The following WWOX variants were observed in gnomAD, a reference collection of about 807,000 sequenced individuals.
WWOX encodes WW domain containing oxidoreductase, also known as WW domain-containing oxidoreductase.
In WWOX, 69 loss-of-function variants were observed where a neutral mutation model predicts 46.2. The observed-to-expected ratio is 1.49, with a 90% CI of 1.23 to 1.82. The LOEUF (loss-of-function observed/expected upper bound fraction) is 1.82, where lower values mean the gene tolerates loss of function less well. Ranked by LOEUF, WWOX falls within the 40% of genes most tolerant of loss-of-function variation. The pLI is 0.00. For missense variants in WWOX, 919 were observed against 542.6 expected, an observed-to-expected ratio of 1.69 and a Z score of -6.89; for synonymous variants, 359 against 202.6, an observed-to-expected ratio of 1.77 and a Z score of -6.56.
chr16:78,326,792 A>G (rs1430391213), intron 5 of WWOX, among the ~76,000 whole-genome samples: 1 of 149,274 alleles, frequency 6.7e-6, no homozygotes, highest in Non-Finnish European at 1.5e-5. Context: ...AAATGCAGAT[A>G]TAACTTTAAT....
chr16:78,546,444 A>C (rs1462380952), intron 8 of WWOX, among the ~76,000 whole-genome samples: 1 of 152,222 alleles, frequency 6.6e-6, no homozygotes, highest in African/African-American at 2.4e-5. Context: ...ATTGTTCAAA[A>C]GAATACTGGA....
chr16:78,298,933 T>A (rs1168734223), intron 5 of WWOX, among the ~76,000 whole-genome samples: 1 of 149,594 alleles, frequency 6.7e-6, no homozygotes, highest in Non-Finnish European at 1.5e-5. Flanking sequence ...ACAAGTGTTC[T>A]TATTTTCCCT....
chr16:78,114,571 C>T (rs1597217191), intron 3 of WWOX, among the ~76,000 whole-genome samples: 1 of 152,150 alleles, frequency 6.6e-6, no homozygotes, highest in Admixed American at 6.5e-5. Flanking sequence ...TTCTACTTCT[C>T]TACGTCTTTA....
At chr16:78,876,394 C>T (rs2044234403) in intron 8 of WWOX, among the ~76,000 whole-genome samples, 3 of 151,608 alleles carry the variant, frequency 2.0e-5, no homozygotes, top group Non-Finnish European at 2.9e-5. Context: ...GATGAATTTT[C>T]CAAGACTCTG....
Position 78,893,715 on chromosome 16 carries a change from C to T in WWOX, c.1057-317893C>T, listed in dbSNP as rs556498301. On this transcript the variant is annotated intron_variant, in intron 8 of 8. Coordinates refer to ENST00000566780, the MANE Select transcript of WWOX (RefSeq NM_016373.4). ...GGCCCTTCTAGCACTTCTGTGAACT[C>T]ATTAGCTTCCCCTTGTTCCAGAAAA... is the stretch of plus-strand genomic sequence containing the variant. Among the ~76,000 whole-genome samples, 20 of 152,290 alleles carry T rather than the reference C, an allele frequency of 1.3e-4. No individual in the cohort carries two copies. The South Asian group carries it at 4.1e-3, about 32-fold the overall frequency.
At chr16:78,786,711 A>G (rs76223538) in intron 8 of WWOX, among the ~76,000 whole-genome samples, 1 of 152,210 alleles carries the variant, frequency 6.6e-6, no homozygotes, top group Non-Finnish European at 1.5e-5. Context: ...GCAGTTTGTC[A>G]TATCACTCAA....
At chr16:78,317,801 C>T (rs1009321687) in intron 5 of WWOX, among the ~76,000 whole-genome samples, 1 of 152,142 alleles carries the variant, frequency 6.6e-6, no homozygotes, top group Non-Finnish European at 1.5e-5. Flanking sequence ...TTATGACATC[C>T]AAGGACTTGG....
At chr16:79,047,672 A>ACTTT (rs529812201) in intron 8 of WWOX, among the ~76,000 whole-genome samples, 17 of 53,536 alleles carry the variant, frequency 3.2e-4, no homozygotes, top group African/African-American at 1.3e-3. Context: ...GACTGTCCTG[A>ACTTT]TTTTTTTTTT....
At chr16:78,305,720 G>A (rs915087871) in intron 5 of WWOX, among the ~76,000 whole-genome samples, 4 of 151,956 alleles carry the variant, frequency 2.6e-5, no homozygotes, top group South Asian at 2.1e-4. Flanking sequence ...TGGGTACCAC[G>A]CAGCCCACAT....
At chr16:78,474,280 C>A (rs1276401174) in intron 8 of WWOX, among the ~76,000 whole-genome samples, 1 of 152,174 alleles carries the variant, frequency 6.6e-6, no homozygotes, top group Non-Finnish European at 1.5e-5. Context: ...TGCTAAAGTT[C>A]TCATTTCATG....
At chr16:78,394,087 G>T (rs563720793) in intron 6 of WWOX, among the ~76,000 whole-genome samples, 13 of 152,152 alleles carry the variant, frequency 8.5e-5, no homozygotes, top group African/African-American at 3.1e-4. Flanking sequence ...AAATTTTGTG[G>T]GATGAATTAC....
intron 8 of WWOX, among the ~76,000 whole-genome samples, chr16:79,091,775 C>CTTTTTTTTTTTTTTTTT (rs771753213): frequency 1.4e-4 from 18 of 126,850 alleles, no homozygotes; most frequent in Non-Finnish European, 2.1e-4. Context: ...CTTTTCTTTT[C>CTTTTTTTTTTTTTTTTT]TTTGTTTTTT....
chr16:78,233,201 C>T (rs967161369), intron 5 of WWOX, among the ~76,000 whole-genome samples: 12 of 152,258 alleles, frequency 7.9e-5, no homozygotes, highest in Middle Eastern at 3.4e-3. Context: ...AGATTACTGA[C>T]GATCAACATG....
chr16:78,889,270 T>C (rs1298581067), intron 8 of WWOX, among the ~76,000 whole-genome samples: 1 of 152,146 alleles, frequency 6.6e-6, no homozygotes, highest in East Asian at 1.9e-4. Flanking sequence ...ATTGTTCATA[T>C]CTAATTATTT....
At chr16:78,351,390 C>G (rs1408285964) in intron 5 of WWOX, among the ~76,000 whole-genome samples, 2 of 152,114 alleles carry the variant, frequency 1.3e-5, no homozygotes. Flanking sequence ...CTGGGATGCC[C>G]GACTGCATTG....
chr16:78,479,624 C>T (rs749278860), intron 8 of WWOX, among the ~76,000 whole-genome samples: 7 of 152,120 alleles, frequency 4.6e-5, no homozygotes, highest in Non-Finnish European at 7.4e-5. Flanking sequence ...CTCTCGTTGC[C>T]TCCAAGGAGG....
intron 5 of WWOX, among the ~76,000 whole-genome samples, chr16:78,338,899 T>C (rs1433490193): frequency 1.6e-5 from 2 of 121,378 alleles, no homozygotes; most frequent in East Asian, 3.9e-4. Flanking sequence ...CGTAAAAAGT[T>C]AAAGCAGCCC....
intron 8 of WWOX, among the ~76,000 whole-genome samples, chr16:79,022,485 C>T (rs1043040704): frequency 3.3e-5 from 5 of 151,896 alleles, no homozygotes; most frequent in African/African-American, 7.3e-5. Context: ...AGCCTTTTCT[C>T]GGAGGAGCTG....
At chr16:79,068,529 C>T (rs2048484176) in intron 8 of WWOX, among the ~76,000 whole-genome samples, 2 of 152,032 alleles carry the variant, frequency 1.3e-5, no homozygotes, top group Admixed American at 1.3e-4. Context: ...CGTGGCTGGT[C>T]ACGGTGGCTC....
Sources: gnomAD v4.1 joint callset for allele counts (sites outside exome capture counted in the v4.1 genomes callset) on GRCh38, gnomAD v4.1.1 for gene constraint, MANE v1.5 for transcripts, NCBI Gene and HGNC (gene_info 2026-07-23, HGNC 2026-07-21) for gene names.